The following GABRG3 variants were observed in gnomAD, a reference collection of about 807,000 sequenced individuals.
GABRG3 encodes the protein gamma-aminobutyric acid receptor subunit gamma-3.
Under a neutral mutation model 48.8 loss-of-function variants are expected in GABRG3, and 25 were observed. The observed-to-expected ratio is 0.51, with a 90% confidence interval of 0.37 to 0.72. The LOEUF (loss-of-function observed/expected upper bound fraction) is 0.72, where lower values mean the gene tolerates loss of function less well. GABRG3 is among the 30% of genes least tolerant of loss of function. The pLI is 0.00. For synonymous variants in GABRG3, 227 were observed against 217.6 expected (o/e 1.04, Z -0.38); for missense variants, 394 against 577.9 (o/e 0.68, Z 3.26).
At chr15:27,036,533 T>G (rs1249878758) in intron 3 of GABRG3, among the ~76,000 whole-genome samples, 1 of 151,958 alleles carries the variant, frequency 6.6e-6, no homozygotes, top group African/African-American at 2.4e-5. Flanking sequence ...CTACTAGAAA[T>G]ACAAAAATTA....
intron 3 of GABRG3, among the ~76,000 whole-genome samples, chr15:27,232,694 T>C (rs1889836620): frequency 6.6e-6 from 1 of 152,192 alleles, no homozygotes; most frequent in African/African-American, 2.4e-5. Context: ...CTGAAAAAGG[T>C]GAGGCCGTTA....
intron 3 of GABRG3, among the ~76,000 whole-genome samples, chr15:27,162,307 T>G (rs1409633328): frequency 6.6e-6 from 1 of 152,192 alleles, no homozygotes; most frequent in African/African-American, 2.4e-5. Flanking sequence ...GTTCACTCCT[T>G]GGGTACCTGA....
chr15:27,023,397 C>T (rs1895931276), intron 2 of GABRG3, among the ~76,000 whole-genome samples: 1 of 152,082 alleles, frequency 6.6e-6, no homozygotes, highest in South Asian at 2.1e-4. Context: ...TTGTAGCCAC[C>T]ACCACCATCC....
intron 3 of GABRG3, among the ~76,000 whole-genome samples, chr15:27,311,387 G>C (rs1892987271): frequency 2.0e-5 from 3 of 152,116 alleles, no homozygotes; most frequent in Non-Finnish European, 4.4e-5. Flanking sequence ...TATGCATCCA[G>C]AACCCCACTT....
At chr15:27,086,648 A>G (rs1049232808) in intron 3 of GABRG3, among the ~76,000 whole-genome samples, 14 of 152,236 alleles carry the variant, frequency 9.2e-5, no homozygotes, top group Admixed American at 2.0e-4. Flanking sequence ...TAGTTCCACA[A>G]GCATTTTTTC....
chr15:27,306,590 A>G (rs1346627531), intron 3 of GABRG3, among the ~76,000 whole-genome samples: 4 of 131,910 alleles, frequency 3.0e-5, no homozygotes, highest in Non-Finnish European at 6.3e-5. Flanking sequence ...ATAAACATAT[A>G]ATATAAACAT....
chr15:27,091,482 G>GA (rs1897184509), intron 3 of GABRG3, among the ~76,000 whole-genome samples: 1 of 152,110 alleles, frequency 6.6e-6, no homozygotes, highest in African/African-American at 2.4e-5. Context: ...TGACCTCATA[G>GA]AAAGAGTTAG....
At chr15:27,219,289 C>T (rs1462188932) in intron 3 of GABRG3, among the ~76,000 whole-genome samples, 14 of 152,146 alleles carry the variant, frequency 9.2e-5, no homozygotes, top group Admixed American at 8.5e-4. Context: ...TTGGGGCGGG[C>T]TGGGTTTTAG....
chr15:27,111,408 CTG>C (rs1189442375), intron 3 of GABRG3, among the ~76,000 whole-genome samples: 5 of 152,164 alleles, frequency 3.3e-5, no homozygotes, highest in South Asian at 2.1e-4. Flanking sequence ...TCCTTTCAGA[CTG>C]TGTTTTTACT....
At chr15:27,190,677 G>T (rs1286397610) in intron 3 of GABRG3, among the ~76,000 whole-genome samples, 1 of 151,986 alleles carries the variant, frequency 6.6e-6, no homozygotes, top group Non-Finnish European at 1.5e-5. Flanking sequence ...CAAAAAACCA[G>T]CTCCCGGATT....
At chr15:27,234,211 T>A (rs1423096194) in intron 3 of GABRG3, among the ~76,000 whole-genome samples, 3 of 152,204 alleles carry the variant, frequency 2.0e-5, no homozygotes, top group Admixed American at 6.5e-5. Flanking sequence ...GGATTCTTAT[T>A]TTTTGGAAAT....
intron 3 of GABRG3, among the ~76,000 whole-genome samples, chr15:27,064,300 G>C (rs1402231110): frequency 6.6e-6 from 1 of 152,202 alleles, no homozygotes; most frequent in Non-Finnish European, 1.5e-5. Context: ...GTTTCAGCCT[G>C]AATCGGGTCT....
chr15:27,264,272 A>T (rs28508447), intron 3 of GABRG3, among the ~76,000 whole-genome samples: 23,473 of 151,992 alleles, frequency 0.15, 3,674 homozygotes, highest in African/African-American at 0.4. Flanking sequence ...AAAATAAAAA[A>T]AAATCAAACT....
chr15:27,410,845 CGTGTGTGTGTGTGTGTGTGTGTGT>C (rs61423614), intron 5 of GABRG3, among the ~76,000 whole-genome samples: 1 of 143,630 alleles, frequency 7.0e-6, no homozygotes, highest in African/African-American at 2.6e-5. Context: ...TGCGCACGCT[CGTGTGTGTGTGTGTGTGTGTGTGT>C]GTGTGTGTGT....
chr15:26,983,664 C>T (rs1895096549), intron 2 of GABRG3, among the ~76,000 whole-genome samples: 1 of 152,050 alleles, frequency 6.6e-6, no homozygotes, highest in African/African-American at 2.4e-5. Flanking sequence ...GTCCCAGCTA[C>T]TCAGGAGGCT....
chr15:27,379,373 A>G (rs567225472), intron 5 of GABRG3, among the ~76,000 whole-genome samples: 8 of 152,320 alleles, frequency 5.3e-5, no homozygotes, highest in Non-Finnish European at 1.2e-4. Flanking sequence ...CCGTTACTAC[A>G]TTGCTGTCAC....
At chr15:27,225,127 T>C (rs1299569113) in intron 3 of GABRG3, among the ~76,000 whole-genome samples, 2 of 152,178 alleles carry the variant, frequency 1.3e-5, no homozygotes, top group African/African-American at 4.8e-5. Context: ...TGATTTGTTC[T>C]TCCTAACTGA....
At chr15:27,387,945 A>AGG (rs1376978913) in intron 5 of GABRG3, among the ~76,000 whole-genome samples, 3 of 50,164 alleles carry the variant, frequency 6.0e-5, no homozygotes, top group Admixed American at 2.0e-4. Flanking sequence ...GGAAGGAGGG[A>AGG]AAGAGGGAGG....
At chr15:27,229,453 T>TTGTG (rs377519773) in intron 3 of GABRG3, among the ~76,000 whole-genome samples, 34 of 105,150 alleles carry the variant, frequency 3.2e-4, no homozygotes, top group African/African-American at 1.3e-3. Context: ...CCTAGGTTTT[T>TTGTG]TGTGTGTGTG....
Sources: gnomAD v4.1 joint callset for allele counts (sites outside exome capture counted in the v4.1 genomes callset) on GRCh38, gnomAD v4.1.1 for gene constraint, MANE v1.5 for transcripts, NCBI Gene and HGNC (gene_info 2026-07-23, HGNC 2026-07-21) for gene names.